The following SMIM20 variants were observed in gnomAD, a reference collection of about 807,000 sequenced individuals.
SMIM20 encodes the protein mitochondrial translation regulation assembly intermediate of cytochrome c oxidase protein of 7 kDa.
A neutral mutation model predicts 8.7 loss-of-function variants in SMIM20; 3 were observed. The ratio of observed to expected loss-of-function variants is 0.34; its 90% confidence interval spans 0.16 to 0.89. The LOEUF is 0.89. SMIM20 is among the 40% of genes least tolerant of loss of function. The pLI is 0.49. For missense variants in SMIM20, 85 were observed against 84.8 expected, an observed-to-expected ratio of 1.00 and a Z score of -0.01; for synonymous variants, 44 against 33.6, an observed-to-expected ratio of 1.31 and a Z score of -1.07.
Position 25,929,463 on chromosome 4 carries a change from T to C in SMIM20, c.*272T>C, listed in dbSNP as rs1711591299. On this transcript the variant is annotated 3_prime_UTR_variant, in exon 3 of 3. Transcript: ENST00000506197. ...AATGAAGCTATCTCACCCAGCTGGG[T>C]TTGGAGGAGCAATCTGCTTATTATT... 1 of 402,508 alleles carries C rather than the reference T, an allele frequency of 2.5e-6. No homozygotes were observed. The highest frequency in any genetic ancestry group is 4.4e-6 in the Non-Finnish European group (1 of 225,292). 24.9% of individuals were successfully genotyped at this position (402,508 alleles called of 1,614,324 possible).
intron 1 of SMIM20, among the ~76,000 whole-genome samples, chr4:25,927,089 T>G (rs545185910): frequency 6.6e-6 from 1 of 152,226 alleles, no homozygotes; most frequent in Non-Finnish European, 1.5e-5. Flanking sequence ...TCTTTTGATA[T>G]ATCTTGAGAG....
chr4:25,927,790 A>G lies in SMIM20; in HGVS notation c.110-523A>G, dbSNP rs200815318. Among the ~76,000 whole-genome samples, 4 of 152,248 alleles carry G rather than the reference A, an allele frequency of 2.6e-5. No homozygotes were observed. The East Asian group carries it at 5.8e-4, about 22-fold the overall frequency. ...CTAATTGGCGCAGCACCTGCAATCA[A>G]TTAGGGAAGCTTCAATTATCCAAAC... On this transcript the variant is annotated intron_variant, in intron 1 of 2. Transcript: ENST00000506197.
chr4:25,914,929 A>G (rs571617553), intron 1 of SMIM20, among the ~76,000 whole-genome samples: 20 of 152,266 alleles, frequency 1.3e-4, no homozygotes, highest in African/African-American at 4.3e-4. Context: ...ATCCAACCCC[A>G]GGCCTCTGTC....
rs141069350 is a variant in SMIM20, at chr4:25,926,766, GCTTT to G, written c.110-1544_110-1541del. On this transcript the variant is annotated intron_variant, in intron 1 of 2. Coordinates refer to ENST00000506197, the MANE Select transcript of SMIM20 (RefSeq NM_001145432.3). The stretch of plus-strand genomic sequence containing the variant: ...TTTATGAAATCTCTAAGTCTAGAAT[GCTTT>G]CTGATAGTGATTTTTTAAAACTCAA... Among the ~76,000 whole-genome samples, 620 of 152,320 alleles carry G rather than the reference GCTTT, an allele frequency of 4.1e-3. 9 individuals are homozygous for G. Among genetic ancestry groups the G allele is most frequent in the African/African-American group, 0.014 (577 of 41,560 alleles).
chr4:25,925,761 G>A (rs905505825), intron 1 of SMIM20, among the ~76,000 whole-genome samples: 1 of 152,200 alleles, frequency 6.6e-6, no homozygotes, highest in Non-Finnish European at 1.5e-5. Context: ...TCACACAGTC[G>A]ATGTATTTTC....
chr4:25,921,643 G>T (rs959008690), intron 1 of SMIM20, among the ~76,000 whole-genome samples: 1 of 152,216 alleles, frequency 6.6e-6, no homozygotes, highest in Non-Finnish European at 1.5e-5. Context: ...GGGCTGAGAC[G>T]CCGGATGTGA....
At chr4:25,915,610 A>G (rs75660081) in intron 1 of SMIM20, among the ~76,000 whole-genome samples, 32,446 of 152,128 alleles carry the variant, frequency 0.21, 3,896 homozygotes, top group East Asian at 0.31. Context: ...TGCATGCACC[A>G]TGCGTGGGAG....
At chr4:25,928,425 G>T in intron 2 of SMIM20, 56 bp downstream of exon 2, 1 of 1,503,728 alleles carries the variant, frequency 6.7e-7, no homozygotes, top group South Asian at 1.3e-5. Flanking sequence ...TGTGTTGTGC[G>T]GGTTTGTGTG....
At chr4:25,929,034 C>A in intron 2 of SMIM20, 120 bp from the exon 3 acceptor site, 1 of 1,264,574 alleles carries the variant, frequency 7.9e-7, no homozygotes, top group South Asian at 1.5e-5. Context: ...CTCACACCAT[C>A]TCAAACTACA....
intron 1 of SMIM20, among the ~76,000 whole-genome samples, chr4:25,923,505 C>G (rs910852301): frequency 2.6e-5 from 4 of 152,206 alleles, no homozygotes; most frequent in African/African-American, 9.6e-5. Context: ...ACATTAGTTG[C>G]TGGGTGGACA....
intron 1 of SMIM20, among the ~76,000 whole-genome samples, chr4:25,919,964 A>T (rs1015432306): frequency 6.6e-6 from 1 of 152,082 alleles, no homozygotes; most frequent in African/African-American, 2.4e-5. Flanking sequence ...CGCTGCTTAC[A>T]TTTCACTCCT....
chr4:25,926,000 G>T (rs183623227), intron 1 of SMIM20, among the ~76,000 whole-genome samples: 50 of 152,246 alleles, frequency 3.3e-4, no homozygotes, highest in African/African-American at 1.2e-3. Context: ...CACTGGAGTG[G>T]GGAGTTTTTT....
intron 1 of SMIM20, among the ~76,000 whole-genome samples, chr4:25,915,448 G>T (rs377291767): frequency 3.9e-5 from 6 of 152,322 alleles, no homozygotes; most frequent in African/African-American, 1.4e-4. Flanking sequence ...AATTGAAGGC[G>T]AAAGCTCCGT....
chr4:25,925,209 T>C (rs970283645), intron 1 of SMIM20, among the ~76,000 whole-genome samples: 1 of 152,152 alleles, frequency 6.6e-6, no homozygotes, highest in African/African-American at 2.4e-5. Context: ...ACAATTCAAG[T>C]TGTGAGTTGC....
At chr4:25,915,150 T>G (rs1719061218) in intron 1 of SMIM20, among the ~76,000 whole-genome samples, 1 of 152,192 alleles carries the variant, frequency 6.6e-6, no homozygotes, top group East Asian at 1.9e-4. Flanking sequence ...CGATTCTGCT[T>G]GTTTCCTTCG....
intron 1 of SMIM20, among the ~76,000 whole-genome samples, chr4:25,918,099 C>T (rs10050324): frequency 0.014 from 2,083 of 152,116 alleles, 18 homozygotes; most frequent in African/African-American, 0.024. Flanking sequence ...CCCGCCACCA[C>T]GCCCGGCTAA....
intron 1 of SMIM20, among the ~76,000 whole-genome samples, chr4:25,925,805 G>GT (rs1719281897): frequency 6.6e-6 from 1 of 152,148 alleles, no homozygotes. Flanking sequence ...ATATGTTTTT[G>GT]TTTTTAAAGA....
chr4:25,921,178 C>T (rs1450030296), intron 1 of SMIM20, among the ~76,000 whole-genome samples: 1 of 152,134 alleles, frequency 6.6e-6, no homozygotes, highest in Non-Finnish European at 1.5e-5. Flanking sequence ...CCTGTGACCT[C>T]AGGGAGACCA....
At chr4:25,918,218 A>G (rs1209325147) in intron 1 of SMIM20, among the ~76,000 whole-genome samples, 1 of 152,030 alleles carries the variant, frequency 6.6e-6, no homozygotes, top group Admixed American at 6.6e-5. Context: ...CTGGGATTAC[A>G]GGCGTGAGCC....
Sources: allele counts gnomAD v4.1 joint callset (sites outside exome capture counted in the v4.1 genomes callset), GRCh38; gene constraint gnomAD v4.1.1; transcripts MANE v1.5; gene names NCBI Gene and HGNC (gene_info 2026-07-23, HGNC 2026-07-21).